The following XPR1 variants were observed in gnomAD, a reference collection of about 807,000 sequenced individuals.
The protein encoded by XPR1 is solute carrier family 53 member 1.
Under a neutral mutation model 87.5 loss-of-function variants are expected in XPR1, and 28 were observed. The observed-to-expected ratio is 0.32, with a 90% CI of 0.24 to 0.44. The LOEUF (loss-of-function observed/expected upper bound fraction) is 0.44. Among genes scored for constraint, XPR1 ranks in the 20% least tolerant of loss-of-function variants. The pLI is 1.00. For missense variants in XPR1, 559 were observed against 862.3 expected (o/e 0.65, Z 4.41); for synonymous variants, 300 against 306.1 (o/e 0.98, Z 0.21).
At chr1:180,664,964 G>C (rs1655909667) in intron 1 of XPR1, among the ~76,000 whole-genome samples, 1 of 152,196 alleles carries the variant, frequency 6.6e-6, no homozygotes, top group Non-Finnish European at 1.5e-5. Context: ...TGATCTGATA[G>C]GAGGTGGAGC....
At chr1:180,676,935 T>C (rs923033412) in intron 1 of XPR1, among the ~76,000 whole-genome samples, 1 of 152,146 alleles carries the variant, frequency 6.6e-6, no homozygotes, top group Non-Finnish European at 1.5e-5. Flanking sequence ...GTGTTTTTTG[T>C]TTTTGGGTGG....
At chr1:180,733,415 CAG>C (rs1050686997) in intron 2 of XPR1, among the ~76,000 whole-genome samples, 6 of 152,180 alleles carry the variant, frequency 3.9e-5, no homozygotes, top group African/African-American at 1.4e-4. Context: ...TATACATTTG[CAG>C]AGTTTCCTTG....
intron 7 of XPR1, among the ~76,000 whole-genome samples, chr1:180,813,472 T>TTTA (rs1214430167): frequency 6.6e-6 from 1 of 152,170 alleles, no homozygotes; most frequent in Non-Finnish European, 1.5e-5. Context: ...ATATTATATA[T>TTTA]TTATATTTCT....
intron 13 of XPR1, among the ~76,000 whole-genome samples, chr1:180,875,191 G>A (rs1251021044): frequency 5.3e-5 from 8 of 152,092 alleles, no homozygotes; most frequent in Non-Finnish European, 2.9e-5. Flanking sequence ...ATAACCCCAG[G>A]TCAAAATTGT....
chr1:180,730,941 C>A (rs1658538017), intron 2 of XPR1, among the ~76,000 whole-genome samples: 1 of 152,042 alleles, frequency 6.6e-6, no homozygotes, highest in African/African-American at 2.4e-5. Flanking sequence ...CAAAAACTTT[C>A]TTCTTTAAAA....
chr1:180,835,761 G>A (rs1434929515), intron 10 of XPR1, among the ~76,000 whole-genome samples: 1 of 152,154 alleles, frequency 6.6e-6, no homozygotes, highest in Non-Finnish European at 1.5e-5. Context: ...TAAAAAAAGA[G>A]GGGAGGTGGG....
intron 2 of XPR1, among the ~76,000 whole-genome samples, chr1:180,743,225 G>A (rs1364389528): frequency 6.8e-4 from 67 of 97,940 alleles, no homozygotes; most frequent in African/African-American, 3.4e-3. Flanking sequence ...TTTTTTTTTT[G>A]GGGGGGGAGT....
chr1:180,862,560 G>A (rs891137390), intron 11 of XPR1, among the ~76,000 whole-genome samples: 1 of 151,898 alleles, frequency 6.6e-6, no homozygotes, highest in Non-Finnish European at 1.5e-5. Flanking sequence ...ATTTGCCTTG[G>A]TGCTCTCATA....
chr1:180,835,368 TA>T (rs1427707853), intron 10 of XPR1, among the ~76,000 whole-genome samples: 3 of 152,070 alleles, frequency 2.0e-5, no homozygotes, highest in Non-Finnish European at 4.4e-5. Context: ...TATTGCTGTA[TA>T]ATGTAACATA....
chr1:180,704,515 T>C (rs1657484682), intron 2 of XPR1, among the ~76,000 whole-genome samples: 1 of 150,036 alleles, frequency 6.7e-6, no homozygotes, highest in Non-Finnish European at 1.5e-5. Context: ...AAAATAATGT[T>C]GATTCTGTAA....
chr1:180,837,700 G>A (rs1034993987), intron 11 of XPR1, among the ~76,000 whole-genome samples: 1 of 152,060 alleles, frequency 6.6e-6, no homozygotes, highest in Non-Finnish European at 1.5e-5. Flanking sequence ...CACCATGTAG[G>A]CATTCTTGTT....
intron 2 of XPR1, among the ~76,000 whole-genome samples, chr1:180,733,150 G>T (rs1658614105): frequency 6.6e-6 from 1 of 152,170 alleles, no homozygotes; most frequent in African/African-American, 2.4e-5. Flanking sequence ...GGTCTTAGGG[G>T]TTTCTATAGG....
At chr1:180,705,162 G>C (rs1487834770) in intron 2 of XPR1, among the ~76,000 whole-genome samples, 1 of 151,948 alleles carries the variant, frequency 6.6e-6, no homozygotes, top group African/African-American at 2.4e-5. Context: ...TTTGGGATTA[G>C]GGTATTGGGG....
chr1:180,720,069 A>G (rs1014469351), intron 2 of XPR1, among the ~76,000 whole-genome samples: 1 of 152,132 alleles, frequency 6.6e-6, no homozygotes, highest in Non-Finnish European at 1.5e-5. Context: ...ATGGTTTACA[A>G]CAAGGTAAGT....
At chr1:180,825,612 A>G (rs1051175565) in intron 9 of XPR1, among the ~76,000 whole-genome samples, 1 of 152,198 alleles carries the variant, frequency 6.6e-6, no homozygotes, top group African/African-American at 2.4e-5. Context: ...GAACTTTGTA[A>G]GTTTCCTTCC....
At chr1:180,775,524 T>C (rs1223683345) in intron 2 of XPR1, among the ~76,000 whole-genome samples, 1 of 152,246 alleles carries the variant, frequency 6.6e-6, no homozygotes, top group Non-Finnish European at 1.5e-5. Flanking sequence ...GCTTTGTTTA[T>C]TGTAACTTCA....
chr1:180,797,076 T>G (rs1019695893), intron 3 of XPR1, among the ~76,000 whole-genome samples: 4 of 152,128 alleles, frequency 2.6e-5, no homozygotes, highest in Non-Finnish European at 5.9e-5. Context: ...TGTTCTAAAA[T>G]TGGATTTTTA....
chr1:180,692,333 T>G (rs1171433856), intron 2 of XPR1, among the ~76,000 whole-genome samples: 1 of 151,992 alleles, frequency 6.6e-6, no homozygotes, highest in Non-Finnish European at 1.5e-5. Flanking sequence ...TGAGCCTTGT[T>G]GTGAGAGCCA....
At chr1:180,879,607 G>A (rs552042224) in intron 13 of XPR1, among the ~76,000 whole-genome samples, 1 of 152,238 alleles carries the variant, frequency 6.6e-6, no homozygotes, top group Admixed American at 6.5e-5. Flanking sequence ...TAGCTGCCAT[G>A]TCTTCAAAGA....
Sources: gnomAD v4.1 joint callset for allele counts (sites outside exome capture counted in the v4.1 genomes callset) on GRCh38, gnomAD v4.1.1 for gene constraint, MANE v1.5 for transcripts, NCBI Gene and HGNC (gene_info 2026-07-23, HGNC 2026-07-21) for gene names.